The following SNTG1 variants were observed in gnomAD, a reference collection of about 807,000 sequenced individuals.
The protein encoded by SNTG1 is syntrophin gamma 1.
A neutral mutation model predicts 74.7 loss-of-function variants in SNTG1; 39 were observed. The observed-to-expected ratio is 0.52, with a 90% CI of 0.40 to 0.68. The LOEUF (loss-of-function observed/expected upper bound fraction) is 0.68, where lower values mean the gene tolerates loss of function less well. Among genes scored for constraint, SNTG1 ranks in the 30% least tolerant of loss-of-function variants. SNTG1 has a pLI of 0.00. For missense variants in SNTG1, 685 were observed against 609.5 expected (o/e 1.12, Z -1.30); for synonymous variants, 254 against 217.1 (o/e 1.17, Z -1.49).
At chr8:50,324,346 C>A (rs934536015) in intron 2 of SNTG1, among the ~76,000 whole-genome samples, 1 of 152,184 alleles carries the variant, frequency 6.6e-6, no homozygotes, top group Non-Finnish European at 1.5e-5. Context: ...CAATTTATGC[C>A]ACAGTTGTTG....
chr8:50,436,027 C>T (rs932835227), intron 4 of SNTG1, among the ~76,000 whole-genome samples: 1 of 152,102 alleles, frequency 6.6e-6, no homozygotes, highest in African/African-American at 2.4e-5. Flanking sequence ...AGCTATTGAG[C>T]AGCAATTACT....
At chr8:50,706,846 G>A (rs1465308973) in intron 16 of SNTG1, among the ~76,000 whole-genome samples, 1 of 151,592 alleles carries the variant, frequency 6.6e-6, no homozygotes, top group African/African-American at 2.4e-5. Flanking sequence ...AAAGTTGATA[G>A]GGAATTAAAT....
intron 8 of SNTG1, among the ~76,000 whole-genome samples, chr8:50,457,455 G>A (rs575674808): frequency 3.3e-5 from 5 of 152,256 alleles, no homozygotes; most frequent in Admixed American, 3.3e-4. Context: ...CCTTCCCAAG[G>A]AGCAAATGTA....
chr8:50,566,777 C>T (rs911004812), intron 12 of SNTG1, among the ~76,000 whole-genome samples: 1 of 151,852 alleles, frequency 6.6e-6, no homozygotes, highest in Admixed American at 6.6e-5. Context: ...TTGATGTTAT[C>T]AAACTTGGGA....
intron 15 of SNTG1, among the ~76,000 whole-genome samples, chr8:50,681,081 A>T (rs1247856873): frequency 6.6e-6 from 1 of 152,232 alleles, no homozygotes; most frequent in Admixed American, 6.5e-5. Flanking sequence ...GAAAATATTT[A>T]CTAATTGATC....
At chr8:49,923,064 C>T (rs1173687645) in intron 1 of SNTG1, among the ~76,000 whole-genome samples, 1 of 152,086 alleles carries the variant, frequency 6.6e-6, no homozygotes, top group Non-Finnish European at 1.5e-5. Context: ...TCTTAGGTCT[C>T]ATGAATCATA....
chr8:50,672,625 A>G (rs186873345), intron 15 of SNTG1, among the ~76,000 whole-genome samples: 2 of 152,166 alleles, frequency 1.3e-5, no homozygotes, highest in South Asian at 2.1e-4. Flanking sequence ...GTTTTCTCCA[A>G]TTCTGTAGGT....
intron 1 of SNTG1, among the ~76,000 whole-genome samples, chr8:50,163,186 C>T (rs752873724): frequency 4.6e-5 from 7 of 152,216 alleles, no homozygotes; most frequent in Admixed American, 1.3e-4. Flanking sequence ...AAGCAACTCT[C>T]CTCAACTCAG....
At chr8:50,148,293 C>A (rs1045699038) in intron 1 of SNTG1, among the ~76,000 whole-genome samples, 11 of 152,122 alleles carry the variant, frequency 7.2e-5, no homozygotes, top group African/African-American at 2.4e-4. Context: ...TGATATACCT[C>A]CTTTCAAGAA....
chr8:50,712,909 G>T (rs2095465734), intron 17 of SNTG1, among the ~76,000 whole-genome samples: 1 of 152,098 alleles, frequency 6.6e-6, no homozygotes, highest in African/African-American at 2.4e-5. Flanking sequence ...ATCATTGATG[G>T]GCGTCTAGTT....
At chr8:50,058,612 G>A (rs1820220213) in intron 1 of SNTG1, among the ~76,000 whole-genome samples, 1 of 152,042 alleles carries the variant, frequency 6.6e-6, no homozygotes, top group Admixed American at 6.6e-5. Context: ...ATGATCCTGA[G>A]TACACTTTAA....
intron 2 of SNTG1, among the ~76,000 whole-genome samples, chr8:50,305,823 G>A (rs1022691400): frequency 4.0e-5 from 6 of 151,386 alleles, no homozygotes; most frequent in African/African-American, 1.5e-4. Context: ...CAGAGTCTCA[G>A]TAACCCAGTA....
chr8:50,073,723 C>T (rs780332171), intron 1 of SNTG1, among the ~76,000 whole-genome samples: 2 of 151,998 alleles, frequency 1.3e-5, no homozygotes, highest in Admixed American at 1.3e-4. Flanking sequence ...ATGGAAAAAA[C>T]ATTAATCTCC....
chr8:50,197,210 T>C (rs1325088461), intron 2 of SNTG1, among the ~76,000 whole-genome samples: 2 of 152,204 alleles, frequency 1.3e-5, no homozygotes, highest in African/African-American at 4.8e-5. Flanking sequence ...ATTTGGTCTA[T>C]GGAAAACATC....
At chr8:50,069,165 C>T (rs908856276) in intron 1 of SNTG1, among the ~76,000 whole-genome samples, 2 of 152,034 alleles carry the variant, frequency 1.3e-5, no homozygotes, top group Admixed American at 1.3e-4. Flanking sequence ...TATCCAAGAA[C>T]AGAAAAAGGG....
At chr8:50,439,046 T>C (rs1385106823) in intron 5 of SNTG1, among the ~76,000 whole-genome samples, 1 of 152,174 alleles carries the variant, frequency 6.6e-6, no homozygotes, top group African/African-American at 2.4e-5. Context: ...AATTTAATTG[T>C]ATAGTGCTAA....
At chr8:50,601,565 C>T (rs1236161848) in intron 13 of SNTG1, among the ~76,000 whole-genome samples, 2 of 152,102 alleles carry the variant, frequency 1.3e-5, no homozygotes, top group Non-Finnish European at 2.9e-5. Context: ...TTAGAATAAT[C>T]TATGTGCTGA....
intron 1 of SNTG1, among the ~76,000 whole-genome samples, chr8:50,074,707 C>A (rs1224924609): frequency 1.3e-5 from 2 of 152,218 alleles, no homozygotes; most frequent in Non-Finnish European, 2.9e-5. Context: ...ACCGTGCTGG[C>A]AGCCCTTGCT....
intron 13 of SNTG1, among the ~76,000 whole-genome samples, chr8:50,646,586 A>G (rs1225371050): frequency 6.6e-6 from 1 of 152,206 alleles, no homozygotes; most frequent in Admixed American, 6.5e-5. Context: ...TTTATTATGA[A>G]CATGTTGCAG....
Sources: gnomAD v4.1 joint callset for allele counts (sites outside exome capture counted in the v4.1 genomes callset) on GRCh38, gnomAD v4.1.1 for gene constraint, MANE v1.5 for transcripts, NCBI Gene and HGNC (gene_info 2026-07-23, HGNC 2026-07-21) for gene names.